Variants in RGS5 observed in about 807,000 individuals in gnomAD.
The protein encoded by RGS5 is regulator of G protein signaling 5.
A neutral mutation model predicts 18.9 loss-of-function variants in RGS5; 20 were observed. That is an observed-to-expected ratio of 1.06 (90% CI 0.74 to 1.54). RGS5 has a LOEUF of 1.54. Ranked by LOEUF, RGS5 falls within the 40% of genes most tolerant of loss-of-function variation. RGS5 has a pLI of 0.00. For synonymous variants in RGS5, 57 were observed against 76.2 expected (o/e 0.75, Z 1.31); for missense variants, 201 against 211.8 (o/e 0.95, Z 0.32).
In RGS5 at chr1:163,315,779, G is replaced by C. The variant is rs140663236; in HGVS notation, c.-378+5843C>G. ...AATGATGAAAGGGTAATAAAAAGCA[G>C]ATAGCTATTTTGAATTCAACGCTAT... On this transcript the variant is annotated intron_variant, in intron 1 of 5. Transcript: ENST00000618415. Among the ~76,000 whole-genome samples the C allele has an allele frequency of 3.3e-3, 498 of 152,262 alleles. 2 individuals carry two copies. Among genetic ancestry groups the C allele is most frequent in the Middle Eastern group, 0.01 (3 of 292 alleles).
intron 2 of RGS5, among the ~76,000 whole-genome samples, chr1:163,287,487 C>T (rs1029207272): frequency 7.2e-5 from 11 of 152,310 alleles, no homozygotes; most frequent in African/African-American, 2.4e-4. Context: ...TATACACTGG[C>T]AGATGTCTAA....
chr1:163,186,599 A>AAAAAAAAAG lies in RGS5; in HGVS notation c.44+16192_44+16193insCTTTTTTTT, dbSNP rs1553216791. 3.3e-5 allele frequency among the ~76,000 whole-genome samples: 3 copies of AAAAAAAAAG among 89,854 alleles called. 1 individual carries two copies. Among genetic ancestry groups the AAAAAAAAAG allele is most frequent in the African/African-American group, 1.6e-4 (3 of 18,250 alleles). The allele number at this position is 89,854 out of a possible 152,430, so 58.9% of individuals were successfully genotyped here. ...GTCTCAAAAAAAAAAAAAAAAAAAG[A>AAAAAAAAAG]AAAAGAAAAGAAAAAAAGCAAAGAC... On this transcript the variant is annotated intron_variant, in intron 1 of 4. Transcript: ENST00000313961.
Position 163,258,840 on chromosome 1 carries a change from G to GT in RGS5, c.-281+47392dup, listed in dbSNP as rs1426642080. On this transcript the variant is annotated intron_variant, in intron 2 of 5. Transcript: ENST00000618415. ...ACAGGTGTGCCACCATGCTTGGCTA[G>GT]TTTTTTTTTAACTTTTAGTAAAGAC... is the stretch of plus-strand genomic sequence containing the variant. Among the ~76,000 whole-genome samples, 26 of 151,086 alleles carry GT rather than the reference G, an allele frequency of 1.7e-4. No individual in the cohort carries two copies. The East Asian group carries it at 1.9e-3, about 11-fold the overall frequency.
intron 2 of RGS5, among the ~76,000 whole-genome samples, chr1:163,285,576 A>C (rs1484831736): frequency 6.6e-6 from 1 of 151,800 alleles, no homozygotes; most frequent in Non-Finnish European, 1.5e-5. Context: ...AACAACAACA[A>C]ATATATATAT....
intron 1 of RGS5, 65 bp downstream of exon 1, chr1:163,202,727 C>T (rs992251053): frequency 9.5e-6 from 14 of 1,470,928 alleles, no homozygotes; most frequent in African/African-American, 1.4e-5. Flanking sequence ...TACCACTGGG[C>T]AGCCTCCCTT....
chr1:163,259,240 C>T (rs142100942), intron 2 of RGS5, among the ~76,000 whole-genome samples: 2,101 of 152,016 alleles, frequency 0.014, 56 homozygotes, highest in African/African-American at 0.048. Context: ...CAAGCTCCAA[C>T]TTCCGGGTTC....
chr1:163,234,969 C>G (rs571764455), intron 2 of RGS5, among the ~76,000 whole-genome samples: 5 of 152,188 alleles, frequency 3.3e-5, no homozygotes, highest in Admixed American at 6.5e-5. Flanking sequence ...ACTGTGCCAG[C>G]CTTCAGAAAT....
intron 1 of RGS5, among the ~76,000 whole-genome samples, chr1:163,313,673 C>G (rs1185000670): frequency 6.6e-6 from 1 of 152,204 alleles, no homozygotes; most frequent in African/African-American, 2.4e-5. Context: ...CCCTTCCCCA[C>G]AGAACTGAGG....
Position 163,147,436 on chromosome 1 carries a change from A to G in RGS5, c.452T>C (p.Phe151Ser), listed in dbSNP as rs1262386674. ...KNLVEPSLSS[F>S]DMAQKRIHAL... ...ATGGATTCTTTTCTGGGCCATGTCAAAGCTGCTCAGGGAAGGTTCCACCAG... is the reference window on the plus strand; with the variant it reads ...ATGGATTCTTTTCTGGGCCATGTCAGAGCTGCTCAGGGAAGGTTCCACCAG... Residue 151 changes from phenylalanine (F) to serine (S), a missense_variant, in exon 5 of 5, where the codon TTT becomes TCT. Physicochemically the swap from Phe to Ser is radical, Grantham distance 155 (BLOSUM62 -2). Transcript: ENST00000313961. 1 of 1,613,128 alleles carries G rather than the reference A, an allele frequency of 6.2e-7. No homozygotes were observed.
chr1:163,228,760 T>C lies in RGS5; in HGVS notation c.-280-60392A>G, dbSNP rs1328081516. Among the ~76,000 whole-genome samples the C allele has an allele frequency of 4.6e-5, 7 of 152,226 alleles. 1 individual carries two copies. Among genetic ancestry groups the C allele is most frequent in the South Asian group, 4.1e-4 (2 of 4,828 alleles). On this transcript the variant is annotated intron_variant, in intron 2 of 5. Transcript: ENST00000618415. ...AATGCTTTGCCACTTAGAAATTTCT[T>C]CCACCAGATACCCTAAATCATCTGT...
intron 2 of RGS5, among the ~76,000 whole-genome samples, chr1:163,222,851 T>C (rs1647256652): frequency 6.6e-6 from 1 of 152,050 alleles, no homozygotes. Context: ...GCTTCTCTAT[T>C]TATTTTTTTA....
upstream of RGS5, among the ~76,000 whole-genome samples, chr1:163,203,497 G>A (rs527505272): frequency 6.6e-6 from 1 of 152,276 alleles, no homozygotes; most frequent in Non-Finnish European, 1.5e-5. Context: ...TGAGCCTTCA[G>A]GAAGCACCAG....
chr1:163,216,277 T>C (rs1660215050), intron 1 of RGS5, among the ~76,000 whole-genome samples: 1 of 152,066 alleles, frequency 6.6e-6, no homozygotes. Flanking sequence ...CCTGAAGACT[T>C]GCAAAGGCAA....
At chr1:163,212,199 T>A (rs1660121549) in intron 1 of RGS5, 1 of 152,216 alleles carries the variant, frequency 6.6e-6, no homozygotes, top group African/African-American at 2.4e-5. Context: ...TCTAACATGC[T>A]GGGGCTCTTT....
intron 2 of RGS5, among the ~76,000 whole-genome samples, chr1:163,239,828 T>A (rs1414389006): frequency 2.0e-5 from 3 of 152,338 alleles, no homozygotes; most frequent in Non-Finnish European, 4.4e-5. Flanking sequence ...AGACGTTTTT[T>A]AAAATTTAGT....
At chr1:163,286,402 A>G (rs573126286) in intron 2 of RGS5, among the ~76,000 whole-genome samples, 2 of 152,020 alleles carry the variant, frequency 1.3e-5, no homozygotes, top group South Asian at 4.2e-4. Flanking sequence ...ATATGAATAG[A>G]TCATGTAATT....
rs892994914 is a variant in RGS5 at position 163,147,523 on chromosome 1, G to T, written c.385-20C>A. On this transcript the variant is annotated intron_variant, in intron 4 of 4. Coordinates refer to ENST00000313961, the MANE Select transcript of RGS5 (RefSeq NM_003617.4). ...ATTCACCTGTGGGCCAGGAAACAGG[G>T]TCACTACATAAGCCTAAGTTATAGA... 3 of 1,556,868 alleles carry T rather than the reference G, an allele frequency of 1.9e-6. No individual in the cohort carries two copies. The highest frequency in any genetic ancestry group is 1.4e-5 in the African/African-American group (1 of 72,080).
In RGS5 at chr1:163,290,372, G is replaced by A. The variant is rs555030824; in HGVS notation, c.-281+15861C>T. Among the ~76,000 whole-genome samples, 158 of 152,222 alleles carry A rather than the reference G, an allele frequency of 1.0e-3. 1 individual carries two copies. Among genetic ancestry groups the A allele is most frequent in the African/African-American group, 3.6e-3 (149 of 41,542 alleles). On this transcript the variant is annotated intron_variant, in intron 2 of 5. Coordinates refer to the RGS5 transcript ENST00000618415. Reference sequence around the variant, plus strand: ...TTGGGTATTACCCCACACAAATGACGCCTCTTCAATATTTAATCTTACAAA... The same window carrying A: ...TTGGGTATTACCCCACACAAATGACACCTCTTCAATATTTAATCTTACAAA...
At chr1:163,287,286 C>G (rs1042688162) in intron 2 of RGS5, among the ~76,000 whole-genome samples, 1 of 152,134 alleles carries the variant, frequency 6.6e-6, no homozygotes, top group Non-Finnish European at 1.5e-5. Flanking sequence ...AACAGTTCCC[C>G]CTTTGAGCCT....
Sources: allele counts gnomAD v4.1 joint callset (sites outside exome capture counted in the v4.1 genomes callset), GRCh38; gene constraint gnomAD v4.1.1; transcripts MANE v1.5; gene names NCBI Gene and HGNC (gene_info 2026-07-23, HGNC 2026-07-21).